The following VWA5B1 variants were observed in gnomAD, a reference collection of about 807,000 sequenced individuals.
VWA5B1 encodes the protein von Willebrand factor A domain containing 5B1.
VWA5B1 carries 115 observed loss-of-function variants against 118.2 expected under a neutral mutation model. The ratio of observed to expected loss-of-function variants is 0.97; its 90% confidence interval spans 0.84 to 1.14. VWA5B1 has a LOEUF of 1.14. VWA5B1 is among the 50% of genes most tolerant of loss of function. The pLI, the probability that VWA5B1 is intolerant of heterozygous loss-of-function variation, is 0.00. For missense variants in VWA5B1, 1,596 were observed against 1,603.8 expected, an observed-to-expected ratio of 1.00 and a Z score of 0.08; for synonymous variants, 682 against 658.4, an observed-to-expected ratio of 1.04 and a Z score of -0.55.
At chr1:20,323,651 T>C in intron 8 of VWA5B1, 119 bp downstream of exon 8, 1 of 1,088,948 alleles carries the variant, frequency 9.2e-7, no homozygotes, top group Non-Finnish European at 1.2e-6. Context: ...AAAATCAGTT[T>C]AAACAGAGAT....
rs2101032143 is a variant in VWA5B1, at chr1:20,354,168, C to T, written c.3553C>T (p.Leu1185Phe). 6.4e-7 allele frequency: 1 copy of T among 1,551,362 alleles called. No individual in the cohort carries two copies. The highest frequency in any genetic ancestry group is 1.2e-5 in the South Asian group (1 of 84,064). ...ACCCGAGGGCCGCACGCAGGGCACACTCAAGGCCGCTGCCCGCCAGCTGTT... is the reference window on the plus strand; with the variant it reads ...ACCCGAGGGCCGCACGCAGGGCACATTCAAGGCCGCTGCCCGCCAGCTGTT... The part of the protein sequence containing the change: ...EVPEGRTQGT[L>F]KAAARQLFVL... Residue 1185 changes from leucine (L) to phenylalanine (F), a missense_variant, in exon 22 of 22, where the codon CTC (leucine) becomes TTC (phenylalanine). Leu to Phe is a conservative substitution (Grantham distance 22). Transcript: ENST00000289815.
At chr1:20,319,563 C>T in intron 7 of VWA5B1, 57 bp downstream of exon 7, 2 of 1,544,086 alleles carry the variant, frequency 1.3e-6, no homozygotes, top group Non-Finnish European at 1.7e-6. Flanking sequence ...GCGCTGAGGC[C>T]TGGTCTCCAC....
In VWA5B1 at chr1:20,354,928, T is replaced by G. The variant is rs1179740462; in HGVS notation, c.*665T>G. 1.3e-5 allele frequency: 2 copies of G among 152,228 alleles called. No individual in the cohort carries two copies. The highest frequency in any genetic ancestry group is 2.4e-5 in the African/African-American group (1 of 41,438). The allele number at this position is 152,228 out of a possible 1,614,324, so 9.4% of individuals were successfully genotyped here. ...AAGCTTCCTTAATACATACTAGTAT[T>G]GCCTTGCAGATCATTAGTGGCTCCC... On this transcript the variant is annotated 3_prime_UTR_variant, in exon 22 of 22. Transcript: ENST00000289815.
At chr1:20,315,433 C>G (rs2088976370) in intron 4 of VWA5B1, among the ~76,000 whole-genome samples, 1 of 152,198 alleles carries the variant, frequency 6.6e-6, no homozygotes, top group Non-Finnish European at 1.5e-5. Context: ...CTGTCCTCCC[C>G]TGGTGTACAG....
At chr1:20,327,246 C>T (rs1370777737) in intron 8 of VWA5B1, among the ~76,000 whole-genome samples, 1 of 152,196 alleles carries the variant, frequency 6.6e-6, no homozygotes, top group Admixed American at 6.5e-5. Flanking sequence ...CTCTCTGTGC[C>T]TCAATCTTCT....
Position 20,302,850 on chromosome 1 carries a change from G to A in VWA5B1, c.-26-7726G>A, listed in dbSNP as rs539963058. 4.9e-4 allele frequency among the ~76,000 whole-genome samples: 75 copies of A among 152,272 alleles called. 1 individual carries two copies. Among genetic ancestry groups the A allele is most frequent in the Middle Eastern group, 6.8e-3 (2 of 294 alleles). On this transcript the variant is annotated intron_variant, in intron 1 of 21. Transcript: ENST00000289815. Reference sequence around the variant, plus strand: ...AGCCCACAGTGCCAGAAGAGATAGCGGTAGCAGAAGTCAGCCTTGTTTGGA... The same window carrying A: ...AGCCCACAGTGCCAGAAGAGATAGCAGTAGCAGAAGTCAGCCTTGTTTGGA...
chr1:20,303,797 G>GC (rs1246053825), intron 1 of VWA5B1, among the ~76,000 whole-genome samples: 1 of 152,200 alleles, frequency 6.6e-6, no homozygotes, highest in Non-Finnish European at 1.5e-5. Flanking sequence ...CCCTGACACA[G>GC]CCCCCTGCCA....
At chr1:20,322,601 C>A (rs990311134) in intron 7 of VWA5B1, among the ~76,000 whole-genome samples, 68 of 152,102 alleles carry the variant, frequency 4.5e-4, no homozygotes, top group African/African-American at 1.6e-3. Flanking sequence ...AACAAGTTGA[C>A]GGGAGGCAGA....
rs2100999623 is a variant in VWA5B1 at position 20,345,345 on chromosome 1, A to AAATCTT, written c.2627-111_2627-110insAATCTT. On this transcript the variant is annotated intron_variant, in intron 16 of 21. Coordinates refer to ENST00000289815, the MANE Select transcript of VWA5B1 (RefSeq NM_001039500.3). The stretch of plus-strand genomic sequence containing the variant: ...GCCCTTGATTTTAAAGGCTTCTTTA[A>AAATCTT]TCCCAAAGATGGGGACCACTTAGGT... 5 of 1,429,266 alleles carry AAATCTT rather than the reference A, an allele frequency of 3.5e-6. No homozygotes were observed. The South Asian group carries it at 5.3e-5, about 15-fold the overall frequency. 88.5% of individuals were successfully genotyped at this position (1,429,266 alleles called of 1,614,324 possible).
chr1:20,344,101 C>A (rs2089958086), intron 16 of VWA5B1, among the ~76,000 whole-genome samples: 1 of 150,738 alleles, frequency 6.6e-6, no homozygotes, highest in African/African-American at 2.4e-5. Context: ...GCCCAGGGCT[C>A]CATTCCATTC....
chr1:20,294,117 T>G (rs1391180200), intron 1 of VWA5B1: 1 of 152,204 alleles, frequency 6.6e-6, no homozygotes, highest in Non-Finnish European at 1.5e-5. Flanking sequence ...GCTTGCAGTC[T>G]CAAGTGGGGA....
intron 7 of VWA5B1, among the ~76,000 whole-genome samples, chr1:20,320,027 G>C (rs111770617): frequency 0.059 from 9,043 of 152,312 alleles, 348 homozygotes; most frequent in Admixed American, 0.089. Flanking sequence ...CTGGCCAGGG[G>C]CCAGGAATGG....
At chr1:20,344,126 C>T (rs554032151) in intron 16 of VWA5B1, among the ~76,000 whole-genome samples, 80 of 151,320 alleles carry the variant, frequency 5.3e-4, no homozygotes, top group African/African-American at 1.9e-3. Context: ...CAAGATCCAC[C>T]CTCTTCCCCC....
At chr1:20,324,078 A>T (rs1290999394) in intron 8 of VWA5B1, among the ~76,000 whole-genome samples, 1 of 152,250 alleles carries the variant, frequency 6.6e-6, no homozygotes, top group East Asian at 1.9e-4. Flanking sequence ...GCTTCAGTGG[A>T]CATGGCCCCT....
At chr1:20,322,168 G>T (rs1253664377) in intron 7 of VWA5B1, among the ~76,000 whole-genome samples, 2 of 152,220 alleles carry the variant, frequency 1.3e-5, no homozygotes, top group African/African-American at 2.4e-5. Context: ...GATGGAATGC[G>T]TGGAGTGAGG....
intron 3 of VWA5B1, 32 bp downstream of exon 3, chr1:20,313,020 T>G: frequency 6.5e-7 from 1 of 1,544,202 alleles, no homozygotes; most frequent in Non-Finnish European, 8.8e-7. Flanking sequence ...CCGCGGGACC[T>G]GGGTTTGGCC....
In VWA5B1 at chr1:20,332,349, G is replaced by A. The variant is rs1376556165; in HGVS notation, c.1573-417G>A. On this transcript the variant is annotated intron_variant, in intron 11 of 21. Transcript: ENST00000289815. ...ACAAAAATTAGCTGGGCATGATGGC[G>A]GGTGCCTGTAATCCCAGCTACTCAG... Among the ~76,000 whole-genome samples the A allele has an allele frequency of 2.6e-5, 4 of 151,768 alleles. 1 individual carries two copies. Among genetic ancestry groups the A allele is most frequent in the Non-Finnish European group, 4.4e-5 (3 of 67,974 alleles).
chr1:20,336,332 C>T lies in VWA5B1; in HGVS notation c.1788C>T (p.His596=). Residue 596 remains histidine (H), a synonymous_variant, in exon 13 of 22, where the codon CAC becomes CAT. Transcript: ENST00000289815. ...SDKRRRYSML[H]SQESGSSVFY... ...AGAGGCGCCGGTACAGCATGCTGCA[C>T]TCTCAGGAGTCTGGCAGCTCTGTCT... 1.3e-6 allele frequency: 2 copies of T among 1,513,328 alleles called. No homozygotes were observed. The highest frequency in any genetic ancestry group is 1.8e-6 in the Non-Finnish European group (2 of 1,126,588). 93.7% of individuals were successfully genotyped at this position (1,513,328 alleles called of 1,614,324 possible). A position where few individuals can be genotyped will look rare whatever the true frequency, so the allele number is the denominator to read the frequency against.
chr1:20,353,119 G>A (rs1419278818), intron 21 of VWA5B1, among the ~76,000 whole-genome samples: 3 of 152,218 alleles, frequency 2.0e-5, no homozygotes, highest in Non-Finnish European at 4.4e-5. Flanking sequence ...TGCAGGATGA[G>A]GAGATATGGC....
Sources: allele counts gnomAD v4.1 joint callset (sites outside exome capture counted in the v4.1 genomes callset), GRCh38; gene constraint gnomAD v4.1.1; transcripts MANE v1.5; gene names NCBI Gene and HGNC (gene_info 2026-07-23, HGNC 2026-07-21).